Variants in GLYATL3 observed in about 807,000 individuals in gnomAD.
GLYATL3 encodes glycine-N-acyltransferase like 3, also known as glycine N-acyltransferase-like protein 3.
GLYATL3 carries 31 observed loss-of-function variants against 28.5 expected under a neutral mutation model. The ratio of observed to expected loss-of-function variants is 1.09; its 90% CI spans 0.82 to 1.47. The LOEUF is 1.47. Among genes scored for constraint, GLYATL3 ranks in the 40% most tolerant of loss-of-function variants. GLYATL3 has a pLI of 0.00. For missense variants in GLYATL3, 369 were observed against 351.5 expected, an observed-to-expected ratio of 1.05 and a Z score of -0.40; for synonymous variants, 141 against 140.2, an observed-to-expected ratio of 1.01 and a Z score of -0.04.
chr6:49,510,563 A>C (rs976894507), intron 1 of GLYATL3, among the ~76,000 whole-genome samples: 8 of 152,250 alleles, frequency 5.3e-5, no homozygotes, highest in African/African-American at 1.9e-4. Flanking sequence ...GAATTCGAAT[A>C]AATAAATGTA....
intron 1 of GLYATL3, among the ~76,000 whole-genome samples, chr6:49,509,000 TAATA>T (rs1181777532): frequency 1.9e-5 from 2 of 103,562 alleles, no homozygotes; most frequent in Admixed American, 8.4e-5. Context: ...AATAAATTAA[TAATA>T]AATAAAAATA....
At chr6:49,518,637 A>G (rs1002985418) in intron 4 of GLYATL3, among the ~76,000 whole-genome samples, 1 of 152,130 alleles carries the variant, frequency 6.6e-6, no homozygotes, top group Admixed American at 6.5e-5. Flanking sequence ...AAGACTTCAG[A>G]TGTCATATAA....
chr6:49,521,602 A>T (rs1473990347), intron 4 of GLYATL3, 43 bp from the exon 5 acceptor site: 7 of 1,506,566 alleles, frequency 4.6e-6, no homozygotes, highest in Admixed American at 2.4e-5. Context: ...TTGCTTTTTC[A>T]ACTAAAATGC....
chr6:49,525,208 TTTGTTG>T (rs552362115), intron 5 of GLYATL3, among the ~76,000 whole-genome samples: 4 of 151,092 alleles, frequency 2.6e-5, no homozygotes, highest in African/African-American at 9.7e-5. Context: ...TCTGAGGGTT[TTTGTTG>T]TTGTTGTTGT....
intron 1 of GLYATL3, among the ~76,000 whole-genome samples, chr6:49,509,826 C>T (rs1769079948): frequency 6.6e-6 from 1 of 152,018 alleles, no homozygotes; most frequent in Non-Finnish European, 1.5e-5. Context: ...ATGTTCCATG[C>T]TCCATACTTT....
At chr6:49,500,833 C>A (rs1768899579) in intron 1 of GLYATL3, among the ~76,000 whole-genome samples, 1 of 152,066 alleles carries the variant, frequency 6.6e-6, no homozygotes, top group Admixed American at 6.5e-5. Context: ...TAACATGTTA[C>A]AAAAATGTGT....
intron 1 of GLYATL3, among the ~76,000 whole-genome samples, chr6:49,501,268 T>C (rs1300714288): frequency 6.6e-6 from 1 of 152,018 alleles, no homozygotes; most frequent in Non-Finnish European, 1.5e-5. Context: ...AGCCAGGCGT[T>C]GGTGGTGTGT....
intron 1 of GLYATL3, among the ~76,000 whole-genome samples, chr6:49,504,370 G>A (rs766936645): frequency 6.6e-6 from 1 of 151,824 alleles, no homozygotes; most frequent in African/African-American, 2.4e-5. Flanking sequence ...AATCCAAACA[G>A]GAGATTGATA....
At chr6:49,511,599 G>A (rs909806538) in intron 1 of GLYATL3, among the ~76,000 whole-genome samples, 14 of 152,114 alleles carry the variant, frequency 9.2e-5, no homozygotes, top group African/African-American at 2.9e-4. Context: ...AGAAGGCATC[G>A]GTCCTACCTT....
chr6:49,526,229 C>A (rs1769408719), intron 5 of GLYATL3, among the ~76,000 whole-genome samples: 1 of 152,050 alleles, frequency 6.6e-6, no homozygotes. Flanking sequence ...GCCTGGCCAA[C>A]ATCGTGAAAT....
rs1036214024 is a variant in GLYATL3, at chr6:49,527,522, T to G, written c.*608T>G. On this transcript the variant is annotated 3_prime_UTR_variant, in exon 6 of 6. Coordinates refer to ENST00000371197, the MANE Select transcript of GLYATL3 (RefSeq NM_001010904.2). The stretch of plus-strand genomic sequence containing the variant: ...TCTTACATTTTAGTGTTTATCAGAA[T>G]CACCCAGAGGGCAGGTTGCAACACA... 2.6e-5 allele frequency among the ~76,000 whole-genome samples: 4 copies of G among 152,212 alleles called. 1 individual carries two copies. In the South Asian group the frequency reaches 8.3e-4, roughly 32 times the overall value.
At chr6:49,513,769 G>A (rs1013428449) in intron 2 of GLYATL3, among the ~76,000 whole-genome samples, 9 of 152,242 alleles carry the variant, frequency 5.9e-5, no homozygotes, top group Non-Finnish European at 8.8e-5. Context: ...ATAGAAGAAA[G>A]TTGTACAATT....
intron 5 of GLYATL3, among the ~76,000 whole-genome samples, chr6:49,525,337 T>C (rs899680515): frequency 6.6e-5 from 10 of 152,004 alleles, no homozygotes; most frequent in Admixed American, 2.0e-4. Flanking sequence ...AGGTCTAGGA[T>C]GTTGGATCAC....
chr6:49,527,075 C>T lies in GLYATL3; in HGVS notation c.*161C>T, dbSNP rs1173097329. The T allele has an allele frequency of 8.6e-6, 5 of 584,418 alleles. No homozygotes were observed. The highest frequency in any genetic ancestry group is 1.2e-5 in the Non-Finnish European group (4 of 339,870). 36.2% of individuals were successfully genotyped at this position (584,418 alleles called of 1,614,324 possible). A position where few individuals can be genotyped will look rare whatever the true frequency, so the allele number is the denominator to read the frequency against. ...ATCCACTTGAGAAGCCTTAATTTTT[C>T]GTATCTCAGGTTTCTCCAGTAAATA... On this transcript the variant is annotated 3_prime_UTR_variant, in exon 6 of 6. Coordinates refer to ENST00000371197, the MANE Select transcript of GLYATL3 (RefSeq NM_001010904.2).
At chr6:49,501,944 C>G (rs1438273301) in intron 1 of GLYATL3, among the ~76,000 whole-genome samples, 3 of 152,154 alleles carry the variant, frequency 2.0e-5, no homozygotes, top group Non-Finnish European at 4.4e-5. Flanking sequence ...GTGAAACCTC[C>G]CTGAATGCAC....
intron 1 of GLYATL3, among the ~76,000 whole-genome samples, chr6:49,510,429 C>T (rs1769101261): frequency 6.6e-6 from 1 of 152,156 alleles, no homozygotes. Context: ...CTAATTCGTA[C>T]TCTTTTCATT....
intron 5 of GLYATL3, 98 bp from the exon 6 acceptor site, chr6:49,526,390 G>A (rs1378270842): frequency 1.9e-6 from 2 of 1,035,808 alleles, no homozygotes; most frequent in East Asian, 2.6e-5. Flanking sequence ...TCCAGCCTGG[G>A]CGACAGAGCA....
In GLYATL3 at chr6:49,515,712, G is replaced by T; in HGVS notation, c.138G>T (p.Leu46Phe). ...RGNPFQKEVV[L>F]DSWPDFKAVI... ...ACCCCTTTCAAAAGGAAGTGGTGTT[G>T]GATTCATGGCCGGATTTCAAAGCTG... The change falls in exon 3 of 6, where the codon TTG becomes TTT. Residue 46 changes from leucine (L) to phenylalanine (F), a missense_variant. Leu to Phe is a conservative substitution (Grantham distance 22). Transcript: ENST00000371197. 2 of 1,551,466 alleles carry T rather than the reference G, an allele frequency of 1.3e-6. No homozygotes were observed. The highest frequency in any genetic ancestry group is 1.7e-6 in the Non-Finnish European group (2 of 1,146,658).
chr6:49,515,525 GTA>G (rs746239587), intron 2 of GLYATL3, 126 bp from the exon 3 acceptor site: 3 of 588,858 alleles, frequency 5.1e-6, no homozygotes, highest in Admixed American at 3.0e-5. Context: ...CTGAATGTAT[GTA>G]TATATATATT....
Sources: allele counts gnomAD v4.1 joint callset (sites outside exome capture counted in the v4.1 genomes callset), GRCh38; gene constraint gnomAD v4.1.1; transcripts MANE v1.5; gene names NCBI Gene and HGNC (gene_info 2026-07-23, HGNC 2026-07-21).